The following EPHA6 variants were observed in gnomAD, a reference collection of about 807,000 sequenced individuals.
The protein encoded by EPHA6 is ephrin type-A receptor 6.
EPHA6 carries 50 observed loss-of-function variants against 112.0 expected under a neutral mutation model. The ratio of observed to expected loss-of-function variants is 0.45; its 90% confidence interval spans 0.36 to 0.56. The LOEUF (loss-of-function observed/expected upper bound fraction) is 0.56. Ranked by LOEUF, EPHA6 falls within the 20% of genes least tolerant of loss-of-function variation. The pLI is 0.00. For missense variants in EPHA6, 1,280 were observed against 1,417.4 expected, an observed-to-expected ratio of 0.90 and a Z score of 1.56; for synonymous variants, 529 against 490.7, an observed-to-expected ratio of 1.08 and a Z score of -1.03.
At chr3:96,880,011 AT>A (rs2037214686) in intron 2 of EPHA6, among the ~76,000 whole-genome samples, 2 of 152,026 alleles carry the variant, frequency 1.3e-5, no homozygotes, top group Non-Finnish European at 2.9e-5. Context: ...AATGTACGCT[AT>A]TTGGGTGACC....
chr3:96,986,623 T>C (rs1031648313), intron 2 of EPHA6, among the ~76,000 whole-genome samples: 76 of 152,302 alleles, frequency 5.0e-4, no homozygotes, highest in Non-Finnish European at 6.6e-4. Context: ...TTCCCCATTG[T>C]ACTTTCTACC....
intron 12 of EPHA6, among the ~76,000 whole-genome samples, chr3:97,604,263 A>G (rs2093663959): frequency 6.6e-6 from 1 of 151,768 alleles, no homozygotes; most frequent in Admixed American, 6.6e-5. Flanking sequence ...AACATCTCCA[A>G]TATCAGGCTA....
intron 1 of EPHA6, among the ~76,000 whole-genome samples, chr3:96,829,159 T>G (rs2107262747): frequency 6.6e-6 from 1 of 152,232 alleles, no homozygotes; most frequent in South Asian, 2.1e-4. Context: ...AGATCATCTG[T>G]TTATCAAGAA....
At chr3:96,898,762 G>C (rs899967684) in intron 2 of EPHA6, among the ~76,000 whole-genome samples, 1 of 152,128 alleles carries the variant, frequency 6.6e-6, no homozygotes, top group Admixed American at 6.5e-5. Flanking sequence ...GGGCGCGGTG[G>C]CTCACGGCTG....
intron 11 of EPHA6, among the ~76,000 whole-genome samples, chr3:97,575,167 G>T (rs1013348824): frequency 6.6e-6 from 1 of 152,020 alleles, no homozygotes; most frequent in Admixed American, 6.6e-5. Context: ...AATTTAAATT[G>T]ATATAGACTT....
chr3:96,821,220 A>G (rs571640236), intron 1 of EPHA6, among the ~76,000 whole-genome samples: 11 of 151,972 alleles, frequency 7.2e-5, no homozygotes, highest in Non-Finnish European at 1.0e-4. Flanking sequence ...ACCTTTTAAT[A>G]CTACTACATG....
At chr3:97,589,921 G>T (rs941387465) in intron 11 of EPHA6, among the ~76,000 whole-genome samples, 9 of 152,110 alleles carry the variant, frequency 5.9e-5, no homozygotes, top group Non-Finnish European at 1.2e-4. Context: ...TTAATTGAAA[G>T]AAAACAGACA....
At chr3:97,173,881 A>G (rs2076762882) in intron 3 of EPHA6, among the ~76,000 whole-genome samples, 1 of 151,846 alleles carries the variant, frequency 6.6e-6, no homozygotes, top group African/African-American at 2.4e-5. Context: ...CCTTTGAGTT[A>G]CAAACATTCC....
chr3:97,525,853 A>C (rs2107632046), intron 10 of EPHA6, among the ~76,000 whole-genome samples: 1 of 152,182 alleles, frequency 6.6e-6, no homozygotes, highest in East Asian at 1.9e-4. Context: ...TGGATCTGGG[A>C]TGATGAAGGT....
At chr3:97,190,976 G>T (rs760405402) in intron 3 of EPHA6, among the ~76,000 whole-genome samples, 12 of 152,062 alleles carry the variant, frequency 7.9e-5, no homozygotes, top group Non-Finnish European at 1.5e-4. Context: ...TGTATCTCTT[G>T]AATGTATTTT....
At chr3:97,138,084 C>G (rs1176195261) in intron 3 of EPHA6, among the ~76,000 whole-genome samples, 1 of 152,102 alleles carries the variant, frequency 6.6e-6, no homozygotes. Flanking sequence ...GCTTGGACAC[C>G]AGGACCATTC....
chr3:97,308,996 A>C (rs762112547), intron 5 of EPHA6, among the ~76,000 whole-genome samples: 9 of 151,694 alleles, frequency 5.9e-5, no homozygotes, highest in South Asian at 2.1e-4. Context: ...TGCTTTTGTT[A>C]TTTTCTACAG....
At chr3:97,477,215 T>C (rs534831198) in intron 8 of EPHA6, among the ~76,000 whole-genome samples, 46 of 152,224 alleles carry the variant, frequency 3.0e-4, no homozygotes, top group African/African-American at 9.9e-4. Context: ...AGGTTGTAGA[T>C]TAAATGTTCA....
rs377336230 is a variant in EPHA6 at position 97,500,010 on chromosome 3, G to A, written c.2200+15951G>A. Among the ~76,000 whole-genome samples the A allele has an allele frequency of 2.0e-3, 305 of 151,954 alleles. 2 individuals are homozygous for A. The highest frequency in any genetic ancestry group is 6.7e-3 in the African/African-American group (277 of 41,468). On this transcript the variant is annotated intron_variant, in intron 10 of 17. Coordinates refer to ENST00000389672, the MANE Select transcript of EPHA6 (RefSeq NM_001080448.3). Reference sequence around the variant, plus strand: ...TATAATAACACTCAGAATAAAGCACGAACACATTGTACAGCTGTATAAAAG... The same window carrying A: ...TATAATAACACTCAGAATAAAGCACAAACACATTGTACAGCTGTATAAAAG...
At chr3:96,967,502 C>A (rs930249915) in intron 2 of EPHA6, among the ~76,000 whole-genome samples, 1 of 151,568 alleles carries the variant, frequency 6.6e-6, no homozygotes, top group African/African-American at 2.4e-5. Flanking sequence ...TGATAAAATT[C>A]TAGAAGCAGA....
At chr3:96,852,293 A>G (rs1396948457) in intron 1 of EPHA6, among the ~76,000 whole-genome samples, 2 of 152,046 alleles carry the variant, frequency 1.3e-5, no homozygotes, top group African/African-American at 4.8e-5. Flanking sequence ...CAGGAGTTCA[A>G]GACTGGCCTG....
At chr3:97,162,308 C>G (rs1433085533) in intron 3 of EPHA6, among the ~76,000 whole-genome samples, 3 of 152,098 alleles carry the variant, frequency 2.0e-5, no homozygotes, top group Non-Finnish European at 4.4e-5. Context: ...TTCCATTTGC[C>G]CTTTCCCAAT....
At chr3:97,235,160 A>G (rs1423745552) in intron 4 of EPHA6, among the ~76,000 whole-genome samples, 1 of 152,128 alleles carries the variant, frequency 6.6e-6, no homozygotes, top group Non-Finnish European at 1.5e-5. Flanking sequence ...TCTTTTTTAT[A>G]GATTATATCA....
intron 3 of EPHA6, among the ~76,000 whole-genome samples, chr3:97,180,014 T>C (rs2076945696): frequency 6.6e-6 from 1 of 152,088 alleles, no homozygotes; most frequent in African/African-American, 2.4e-5. Context: ...TTGGTCCAGA[T>C]GTACTGTCTT....
Sources: allele counts gnomAD v4.1 joint callset (sites outside exome capture counted in the v4.1 genomes callset), GRCh38; gene constraint gnomAD v4.1.1; transcripts MANE v1.5; gene names NCBI Gene and HGNC (gene_info 2026-07-23, HGNC 2026-07-21).